CDH23: variants seen among roughly 807,000 people sequenced by gnomAD.
CDH23 encodes cadherin related 23.
In CDH23, 189 loss-of-function variants were observed where a neutral mutation model predicts 317.1. The ratio of observed to expected loss-of-function variants is 0.60; its 90% CI spans 0.53 to 0.67. CDH23 has a LOEUF of 0.67. Ranked by LOEUF, CDH23 falls within the 30% of genes least tolerant of loss-of-function variation. CDH23 has a pLI of 0.00. For synonymous variants in CDH23, 1,839 were observed against 1,876.8 expected, an observed-to-expected ratio of 0.98 and a Z score of 0.52; for missense variants, 4,401 against 4,592.4, an observed-to-expected ratio of 0.96 and a Z score of 1.20.
At chr10:71,416,183 C>A (rs1409978019) in intron 1 of CDH23, among the ~76,000 whole-genome samples, 1 of 152,152 alleles carries the variant, frequency 6.6e-6, no homozygotes, top group Non-Finnish European at 1.5e-5. Flanking sequence ...CACCACCATG[C>A]CCGGCTAATT....
chr10:71,736,650 A>G (rs1375756962), intron 34 of CDH23, among the ~76,000 whole-genome samples: 1 of 152,158 alleles, frequency 6.6e-6, no homozygotes, highest in Non-Finnish European at 1.5e-5. Context: ...TGGGAAGTCC[A>G]GCAGCCCCCC....
At chr10:71,697,147 G>T (rs112528470) in intron 22 of CDH23, among the ~76,000 whole-genome samples, 2,645 of 152,324 alleles carry the variant, frequency 0.017, 83 homozygotes, top group African/African-American at 0.061. Context: ...ACAAGGCGTG[G>T]GTGTGCCAGG....
chr10:71,430,809 A>C (rs1287228128), intron 1 of CDH23, among the ~76,000 whole-genome samples: 1 of 152,134 alleles, frequency 6.6e-6, no homozygotes, highest in East Asian at 1.9e-4. Context: ...GACAGAAAAA[A>C]AACAAAAAAG....
Position 71,695,398 on chromosome 10 carries a change from C to A in CDH23, c.2290-20C>A. ...CATCTCAGCTGGGTGTGTCTCCCAGCGCCCCTTATGGCTTCACAGGTAAAC... is the reference window on the plus strand; with the variant it reads ...CATCTCAGCTGGGTGTGTCTCCCAGAGCCCCTTATGGCTTCACAGGTAAAC... On this transcript the variant is annotated intron_variant, in intron 21 of 69. Coordinates refer to ENST00000224721, the MANE Select transcript of CDH23 (RefSeq NM_022124.6). The A allele has an allele frequency of 1.3e-6, 2 of 1,556,492 alleles. No individual in the cohort carries two copies. Among genetic ancestry groups the A allele is most frequent in the Non-Finnish European group, 1.8e-6 (2 of 1,127,184 alleles).
chr10:71,815,182 C>A lies in CDH23; in HGVS notation c.9969C>A (p.Phe3323Leu), dbSNP rs1253523523. Residue 3323 changes from phenylalanine to leucine, a missense_variant, in exon 70 of 70, where the codon TTC (phenylalanine) becomes TTA (leucine). By Grantham distance (22) the Phe-to-Leu change is conservative. Around this residue, in one of 3 missense-constraint regions of CDH23, gnomAD observed 1,144 missense variants for 1,138.2 expected, o/e 1.01. Coordinates refer to ENST00000224721, the MANE Select transcript of CDH23 (RefSeq NM_022124.6). ...ETLTAAEATA[F>L]ERNARTESAK... ...TGACCGCTGCCGAGGCCACTGCCTTCGAGCGCAACGCCCGCACAGAATCCG... is the reference window on the plus strand; with the variant it reads ...TGACCGCTGCCGAGGCCACTGCCTTAGAGCGCAACGCCCGCACAGAATCCG... 1.2e-6 allele frequency: 2 copies of A among 1,610,752 alleles called. No homozygotes were observed. Among genetic ancestry groups the A allele is most frequent in the East Asian group, 2.2e-5 (1 of 44,814 alleles).
At chr10:71,551,182 A>C (rs2132314578) in intron 6 of CDH23, among the ~76,000 whole-genome samples, 1 of 152,378 alleles carries the variant, frequency 6.6e-6, no homozygotes, top group South Asian at 2.1e-4. Context: ...CGTACCATTA[A>C]AACAAAGTGT....
intron 62 of CDH23, among the ~76,000 whole-genome samples, chr10:71,810,776 C>T (rs929387680): frequency 7.9e-4 from 121 of 152,260 alleles, no homozygotes; most frequent in African/African-American, 2.8e-3. Context: ...TCCCTCTCCC[C>T]ATCTGTAACA....
chr10:71,652,128 C>T (rs1344939290), intron 14 of CDH23, among the ~76,000 whole-genome samples: 3 of 152,194 alleles, frequency 2.0e-5, no homozygotes, highest in African/African-American at 7.2e-5. Flanking sequence ...AGGTGTGGGG[C>T]CCCAGGACCA....
At chr10:71,576,131 G>A (rs1477121564) in intron 8 of CDH23, among the ~76,000 whole-genome samples, 1 of 152,200 alleles carries the variant, frequency 6.6e-6, no homozygotes, top group Admixed American at 6.5e-5. Context: ...AGGACTGAGG[G>A]CACTTTTGTC....
At chr10:71,694,112 A>C in intron 20 of CDH23, 35 bp from the exon 21 acceptor site, 1 of 1,555,574 alleles carries the variant, frequency 6.4e-7, no homozygotes, top group Non-Finnish European at 8.9e-7. Context: ...TGGCCCACCC[A>C]AACCCTCTCA....
In CDH23 at chr10:71,803,235, G is replaced by A; in HGVS notation, c.7687G>A (p.Gly2563Ser). ...VEAFHVDMDS[G>S]LVTTQRPLQS... ...GGCCTTCCATGTGGACATGGACTCGGGCTTGGTGACCACACAGCGGCCACT... is the reference window on the plus strand; with the variant it reads ...GGCCTTCCATGTGGACATGGACTCGAGCTTGGTGACCACACAGCGGCCACT... The change falls in exon 55 of 70, where the codon GGC becomes AGC. Residue 2563 changes from glycine to serine, a missense_variant. By Grantham distance (56) the Gly-to-Ser change is moderately conservative (BLOSUM62 0). Transcript: ENST00000224721. 1 of 1,603,222 alleles carries A rather than the reference G, an allele frequency of 6.2e-7. No homozygotes were observed. Among genetic ancestry groups the A allele is most frequent in the Non-Finnish European group, 8.5e-7 (1 of 1,174,398 alleles).
chr10:71,602,274 A>G (rs1246254248), intron 9 of CDH23, among the ~76,000 whole-genome samples: 1 of 152,092 alleles, frequency 6.6e-6, no homozygotes, highest in East Asian at 1.9e-4. Context: ...TTCATGGAGG[A>G]AAGATGGCAG....
intron 55 of CDH23, 132 bp downstream of exon 55, chr10:71,803,552 C>G: frequency 2.6e-6 from 2 of 784,040 alleles, no homozygotes; most frequent in Non-Finnish European, 4.0e-6. Context: ...AAAAAAAAAA[C>G]TTTTTTAATT....
chr10:71,446,227 G>T, intron 2 of CDH23, 91 bp from the exon 3 acceptor site: 1 of 1,216,864 alleles, frequency 8.2e-7, no homozygotes. Flanking sequence ...CAGGCTCAGT[G>T]CCCACTGCAG....
At chr10:71,653,280 G>A (rs1171765524) in intron 14 of CDH23, among the ~76,000 whole-genome samples, 1 of 152,174 alleles carries the variant, frequency 6.6e-6, no homozygotes, top group East Asian at 1.9e-4. Flanking sequence ...TGATGTCATT[G>A]CCCTGGGCTG....
At chr10:71,781,595 G>A (rs1022821086) in intron 41 of CDH23, among the ~76,000 whole-genome samples, 1 of 152,174 alleles carries the variant, frequency 6.6e-6, no homozygotes, top group Non-Finnish European at 1.5e-5. Context: ...CCATGCCATG[G>A]CCTTTAAGCC....
At chr10:71,737,756 CCG>C (rs953561379) in intron 34 of CDH23, 4 of 469,880 alleles carry the variant, frequency 8.5e-6, no homozygotes, top group African/African-American at 8.1e-5. Context: ...TGGCCTGTGG[CCG>C]TCCGTGGACT....
At chr10:71,514,038 C>G (rs753065545) in intron 6 of CDH23, among the ~76,000 whole-genome samples, 6 of 152,018 alleles carry the variant, frequency 3.9e-5, no homozygotes, top group Non-Finnish European at 7.4e-5. Flanking sequence ...AATAATAAGA[C>G]TGCCCACACA....
chr10:71,415,234 C>T (rs2131931940), intron 1 of CDH23, among the ~76,000 whole-genome samples: 1 of 152,270 alleles, frequency 6.6e-6, no homozygotes, highest in South Asian at 2.1e-4. Flanking sequence ...TCTTAGCCTT[C>T]TCAGGAATGC....
Sources: allele counts gnomAD v4.1 joint callset (sites outside exome capture counted in the v4.1 genomes callset), GRCh38; gene constraint gnomAD v4.1.1; regional missense constraint gnomAD v4.1.1; transcripts MANE v1.5; gene names NCBI Gene and HGNC (gene_info 2026-07-23, HGNC 2026-07-21).